ZNF503: variants seen among roughly 807,000 people sequenced by gnomAD.
ZNF503 encodes the protein NocA-like zinc finger 2.
ZNF503 carries 15 observed loss-of-function variants against 34.4 expected under a neutral mutation model. The ratio of observed to expected loss-of-function variants is 0.44; its 90% CI spans 0.29 to 0.67. The LOEUF (loss-of-function observed/expected upper bound fraction) is 0.67, where lower values mean the gene tolerates loss of function less well. Among genes scored for constraint, ZNF503 ranks in the 30% least tolerant of loss-of-function variants. The pLI, the probability that ZNF503 is intolerant of heterozygous loss-of-function variation, is 0.13. For synonymous variants in ZNF503, 580 were observed against 456.8 expected (o/e 1.27, Z -3.44); for missense variants, 1,007 against 926.8 (o/e 1.09, Z -1.12).
At chr10:75,362,024 C>T in the ZNF503 span, among the ~76,000 whole-genome samples, 1 of 152,184 alleles carries the variant, frequency 6.6e-6, no homozygotes, top group African/African-American at 2.4e-5. Flanking sequence ...AAAGCCCTTC[C>T]CAAGGCTGCA....
Position 75,401,170 on chromosome 10 carries a change from T to A in ZNF503, c.250A>T (p.Thr84Ser). The change falls in exon 1 of 2, where the codon ACT (threonine) becomes TCT (serine). Residue 84 changes from threonine (T) to serine (S), a missense_variant. Coordinates refer to ENST00000372524, the MANE Select transcript of ZNF503 (RefSeq NM_032772.6). The part of the protein sequence containing the change: ...IKVLKMLTAR[T>S]GHILHPEYLQ... The stretch of plus-strand genomic sequence containing the variant: ...TACTCGGGGTGCAAAATGTGGCCAG[T>A]TCGTGCCGTCAGCATCTTCAGCACC... 1 of 1,611,474 alleles carries A rather than the reference T, an allele frequency of 6.2e-7. No homozygotes were observed. The highest frequency in any genetic ancestry group is 8.5e-7 in the Non-Finnish European group (1 of 1,178,584).
the ZNF503 span, among the ~76,000 whole-genome samples, chr10:75,320,876 T>C: frequency 1.3e-3 from 195 of 152,292 alleles, 1 homozygote; most frequent in African/African-American, 3.8e-3. Flanking sequence ...TTGATAAAAT[T>C]TCGCATTCAT....
the ZNF503 span, among the ~76,000 whole-genome samples, chr10:75,359,220 G>C: frequency 6.6e-6 from 1 of 152,192 alleles, no homozygotes; most frequent in African/African-American, 2.4e-5. Context: ...GCCCCTTTGT[G>C]GTGCCCCTGA....
At position 75,401,118 on chromosome 10, in the gene ZNF503, AC is replaced by A; in HGVS notation, c.301del (p.Val101SerfsTer62). 1 of 1,613,510 alleles carries A rather than the reference AC, an allele frequency of 6.2e-7. No individual in the cohort carries two copies. Among genetic ancestry groups the A allele is most frequent in the Non-Finnish European group, 8.5e-7 (1 of 1,179,850 alleles). On this transcript the variant is annotated frameshift_variant, in exon 1 of 2. Transcript: ENST00000372524. LOFTEE classifies it high-confidence loss of function. ...GAGGGTCCTTACCTCGATGGGGCTG[AC>A]CGGCGTGGAAGGCAGGGGCTGCAGG... Reference protein sequence around the residue: ...EYLQPLPSTPVSPIELDAKKS... With the variant: ...EYLQPLPSTPXSPIELDAKKS...
the ZNF503 span, among the ~76,000 whole-genome samples, chr10:75,348,791 C>T: frequency 1.4e-4 from 22 of 152,272 alleles, no homozygotes; most frequent in African/African-American, 4.6e-4. Context: ...GGATTACAGG[C>T]GTGAGCCACC....
At chr10:75,329,776 C>G in the ZNF503 span, among the ~76,000 whole-genome samples, 3 of 152,154 alleles carry the variant, frequency 2.0e-5, no homozygotes, top group African/African-American at 7.2e-5. Context: ...CATGCCTGGT[C>G]AAGCTTTTCT....
At chr10:75,377,351 A>G in the ZNF503 span, among the ~76,000 whole-genome samples, 1 of 152,198 alleles carries the variant, frequency 6.6e-6, no homozygotes, top group Non-Finnish European at 1.5e-5. Context: ...CAACCACTTG[A>G]ACTTGTCACC....
chr10:75,336,996 C>T, the ZNF503 span, among the ~76,000 whole-genome samples: 880 of 152,324 alleles, frequency 5.8e-3, 8 homozygotes, highest in African/African-American at 0.02. Context: ...ATCTCTCTAT[C>T]TTAAGGTCAA....
chr10:75,313,892 A>G, the ZNF503 span, among the ~76,000 whole-genome samples: 1 of 152,202 alleles, frequency 6.6e-6, no homozygotes, highest in African/African-American at 2.4e-5. Flanking sequence ...AATCTTAAGA[A>G]TTTTGCCACT....
chr10:75,365,377 A>G, the ZNF503 span, among the ~76,000 whole-genome samples: 2 of 152,134 alleles, frequency 1.3e-5, no homozygotes, highest in Non-Finnish European at 2.9e-5. Context: ...CAAACCCCTG[A>G]CCTTGTGATC....
the ZNF503 span, among the ~76,000 whole-genome samples, chr10:75,333,086 C>G: frequency 6.9e-6 from 1 of 144,348 alleles, no homozygotes; most frequent in African/African-American, 2.6e-5. Flanking sequence ...CCAGACGGGG[C>G]GGCTGGCCGG....
chr10:75,374,601 C>T, the ZNF503 span, among the ~76,000 whole-genome samples: 1 of 152,176 alleles, frequency 6.6e-6, no homozygotes, highest in Non-Finnish European at 1.5e-5. Context: ...TAGCAGAACT[C>T]CCCAGCCCTG....
chr10:75,308,522 A>G, the ZNF503 span, among the ~76,000 whole-genome samples: 3 of 152,164 alleles, frequency 2.0e-5, no homozygotes, highest in African/African-American at 7.2e-5. Context: ...AGAGATAGTG[A>G]TTTTTCTGAT....
chr10:75,373,717 T>C, the ZNF503 span, among the ~76,000 whole-genome samples: 1 of 152,338 alleles, frequency 6.6e-6, no homozygotes, highest in African/African-American at 2.4e-5. Context: ...GGTTCTCAAA[T>C]GCAAAACAAG....
chr10:75,339,440 T>C, the ZNF503 span, among the ~76,000 whole-genome samples: 1 of 152,168 alleles, frequency 6.6e-6, no homozygotes, highest in Admixed American at 6.5e-5. Context: ...GGAAAGAAGA[T>C]GGGAGAGCCT....
chr10:75,356,182 C>T, the ZNF503 span, among the ~76,000 whole-genome samples: 2 of 152,174 alleles, frequency 1.3e-5, no homozygotes, highest in East Asian at 1.9e-4. Context: ...AAGGGGGTGG[C>T]ACTGGAGATA....
the ZNF503 span, among the ~76,000 whole-genome samples, chr10:75,367,144 C>T: frequency 6.6e-6 from 1 of 152,136 alleles, no homozygotes; most frequent in Non-Finnish European, 1.5e-5. Flanking sequence ...CTACAAACAG[C>T]CCAGAAAGAA....
the ZNF503 span, among the ~76,000 whole-genome samples, chr10:75,281,852 A>T: frequency 6.6e-6 from 1 of 152,194 alleles, no homozygotes; most frequent in Non-Finnish European, 1.5e-5. Context: ...AGGGGTGTTG[A>T]GGTAGGCAGA....
the ZNF503 span, chr10:75,283,852 A>G: frequency 6.6e-6 from 1 of 152,232 alleles, no homozygotes; most frequent in Non-Finnish European, 1.5e-5. Context: ...ATGGACACCG[A>G]GTGAACTCCT....
Sources: gnomAD v4.1 joint callset for allele counts (sites outside exome capture counted in the v4.1 genomes callset) on GRCh38, gnomAD v4.1.1 for gene constraint, MANE v1.5 for transcripts, NCBI Gene and HGNC (gene_info 2026-07-23, HGNC 2026-07-21) for gene names.